The following LRRC4C variants were observed in gnomAD, a reference collection of about 807,000 sequenced individuals.
The protein encoded by LRRC4C is leucine-rich repeat-containing protein 4C.
LRRC4C carries 5 observed loss-of-function variants against 33.6 expected under a neutral mutation model. The ratio of observed to expected loss-of-function variants is 0.15; its 90% CI spans 0.08 to 0.31. The LOEUF (loss-of-function observed/expected upper bound fraction) is 0.31, where lower values mean the gene tolerates loss of function less well. Ranked by LOEUF, LRRC4C falls within the 10% of genes least tolerant of loss-of-function variation. The pLI is 1.00. For synonymous variants in LRRC4C, 329 were observed against 302.0 expected, an observed-to-expected ratio of 1.09 and a Z score of -0.93; for missense variants, 560 against 796.7, an observed-to-expected ratio of 0.70 and a Z score of 3.58.
intron 4 of LRRC4C, among the ~76,000 whole-genome samples, chr11:40,270,049 A>G (rs1942572833): frequency 6.6e-6 from 1 of 152,176 alleles, no homozygotes; most frequent in Non-Finnish European, 1.5e-5. Context: ...GGGAACCCCT[A>G]CGCCTCCCAT....
chr11:41,014,904 G>T (rs1302213574), intron 1 of LRRC4C, among the ~76,000 whole-genome samples: 1 of 152,158 alleles, frequency 6.6e-6, no homozygotes, highest in African/African-American at 2.4e-5. Context: ...CACGTAACTA[G>T]CACAAGGGCA....
chr11:40,854,037 C>T (rs960146131), intron 2 of LRRC4C, among the ~76,000 whole-genome samples: 1 of 151,582 alleles, frequency 6.6e-6, no homozygotes, highest in Non-Finnish European at 1.5e-5. Flanking sequence ...CAAACGATGC[C>T]TTCTTGAAAC....
chr11:40,782,912 A>T (rs957096923), intron 2 of LRRC4C, among the ~76,000 whole-genome samples: 4 of 152,082 alleles, frequency 2.6e-5, no homozygotes, highest in African/African-American at 9.7e-5. Flanking sequence ...ATGTGTATGT[A>T]TGTATGTGTG....
intron 2 of LRRC4C, among the ~76,000 whole-genome samples, chr11:40,927,141 T>G (rs748678788): frequency 1.3e-5 from 2 of 152,104 alleles, no homozygotes; most frequent in African/African-American, 2.4e-5. Flanking sequence ...TTTGGGAGGC[T>G]GAGGCGGGTG....
At chr11:41,026,436 T>C (rs1349873771) in intron 1 of LRRC4C, among the ~76,000 whole-genome samples, 1 of 151,476 alleles carries the variant, frequency 6.6e-6, no homozygotes, top group Non-Finnish European at 1.5e-5. Context: ...TAATGAGAAG[T>C]TGCTTCTTAC....
At chr11:41,214,575 C>CAAAAAAAAAAAAAAAAAAAAAAAAAAAAA (rs547167050) in intron 1 of LRRC4C, among the ~76,000 whole-genome samples, 1 of 34,770 alleles carries the variant, frequency 2.9e-5, no homozygotes, top group African/African-American at 1.2e-4. Flanking sequence ...ACTAAAAATA[C>CAAAAAAAAAAAAAAAAAAAAAAAAAAAAA]AAAAAAAAAA....
chr11:40,587,087 T>C (rs953633043), intron 3 of LRRC4C, among the ~76,000 whole-genome samples: 25 of 151,970 alleles, frequency 1.6e-4, no homozygotes, highest in Non-Finnish European at 3.1e-4. Flanking sequence ...TTTCATGATA[T>C]TGATTCTTCC....
intron 1 of LRRC4C, among the ~76,000 whole-genome samples, chr11:41,306,179 A>G (rs1950500395): frequency 6.6e-6 from 1 of 152,154 alleles, no homozygotes. Flanking sequence ...TGATCCTTCA[A>G]GTAAAATTTG....
intron 1 of LRRC4C, among the ~76,000 whole-genome samples, chr11:41,088,375 T>C (rs1178466514): frequency 6.6e-6 from 1 of 152,124 alleles, no homozygotes; most frequent in Non-Finnish European, 1.5e-5. Context: ...GGAGATTGTA[T>C]GTAATATGTC....
intron 3 of LRRC4C, among the ~76,000 whole-genome samples, chr11:40,592,103 G>T (rs1243941082): frequency 6.6e-6 from 1 of 152,188 alleles, no homozygotes; most frequent in Non-Finnish European, 1.5e-5. Context: ...CAGCTTTGCT[G>T]GATGAAAGTA....
intron 1 of LRRC4C, among the ~76,000 whole-genome samples, chr11:41,364,985 G>C (rs952870400): frequency 1.1e-4 from 17 of 152,150 alleles, no homozygotes; most frequent in African/African-American, 4.1e-4. Flanking sequence ...GTGTGTGTGT[G>C]TGTGCACGTG....
At chr11:41,431,091 TTTAA>T (rs1249032919) in intron 1 of LRRC4C, among the ~76,000 whole-genome samples, 12 of 152,204 alleles carry the variant, frequency 7.9e-5, no homozygotes, top group African/African-American at 2.4e-4. Flanking sequence ...TATCCACATA[TTTAA>T]TTATTTATTC....
intron 1 of LRRC4C, among the ~76,000 whole-genome samples, chr11:41,414,343 C>T (rs1003365792): frequency 1.3e-5 from 2 of 152,120 alleles, no homozygotes; most frequent in African/African-American, 2.4e-5. Context: ...TAAAATTAAA[C>T]CATTTCTTTA....
At chr11:41,136,757 T>G (rs866370732) in intron 1 of LRRC4C, among the ~76,000 whole-genome samples, 6 of 152,078 alleles carry the variant, frequency 3.9e-5, no homozygotes, top group African/African-American at 1.4e-4. Context: ...TTCCTCTCCT[T>G]CCCACTACCA....
At chr11:40,790,919 G>A (rs763603861) in intron 2 of LRRC4C, among the ~76,000 whole-genome samples, 1 of 152,214 alleles carries the variant, frequency 6.6e-6, no homozygotes, top group East Asian at 1.9e-4. Flanking sequence ...TAATAGGACT[G>A]TGCCACAATG....
At chr11:40,343,024 A>T (rs192988901) in intron 3 of LRRC4C, among the ~76,000 whole-genome samples, 325 of 151,696 alleles carry the variant, frequency 2.1e-3, no homozygotes, top group Non-Finnish European at 3.7e-3. Context: ...TTTTTATTTT[A>T]TATATATATT....
At chr11:40,744,935 G>C (rs1049765326) in intron 2 of LRRC4C, among the ~76,000 whole-genome samples, 1 of 152,018 alleles carries the variant, frequency 6.6e-6, no homozygotes, top group African/African-American at 2.4e-5. Context: ...TATAAACATA[G>C]GCATAGCTGC....
At chr11:40,298,120 T>C (rs1423601409) in intron 4 of LRRC4C, among the ~76,000 whole-genome samples, 1 of 152,194 alleles carries the variant, frequency 6.6e-6, no homozygotes, top group Non-Finnish European at 1.5e-5. Flanking sequence ...TTCTTTTCAC[T>C]GTGGTGCACA....
chr11:40,729,655 C>A (rs1451476475), intron 2 of LRRC4C, among the ~76,000 whole-genome samples: 1 of 152,168 alleles, frequency 6.6e-6, no homozygotes, highest in Non-Finnish European at 1.5e-5. Flanking sequence ...TTCCTCCACT[C>A]ACACACTGAA....
Sources: allele counts gnomAD v4.1 joint callset (sites outside exome capture counted in the v4.1 genomes callset), GRCh38; gene constraint gnomAD v4.1.1; transcripts MANE v1.5; gene names NCBI Gene and HGNC (gene_info 2026-07-23, HGNC 2026-07-21).